The following EVL variants were observed in gnomAD, a reference collection of about 807,000 sequenced individuals.
EVL encodes the protein Enah/Vasp-like, also known as ena/VASP-like protein.
Under a neutral mutation model 59.6 loss-of-function variants are expected in EVL, and 21 were observed. That is an observed-to-expected ratio of 0.35 (90% confidence interval 0.25 to 0.51). The LOEUF (loss-of-function observed/expected upper bound fraction) is 0.51. Among genes scored for constraint, EVL ranks in the 20% least tolerant of loss-of-function variants. The pLI, the probability that EVL is intolerant of heterozygous loss-of-function variation, is 0.97. For synonymous variants in EVL, 198 were observed against 203.5 expected (o/e 0.97, Z 0.23); for missense variants, 462 against 546.6 (o/e 0.85, Z 1.54).
chr14:100,142,104 C>G (rs1441218199), intron 13 of EVL: 1 of 234,540 alleles, frequency 4.3e-6, no homozygotes, highest in African/African-American at 2.2e-5. Flanking sequence ...CGTTCCAGAG[C>G]CAGGTCTGGA....
At chr14:100,039,482 C>T (rs1270628609) in intron 1 of EVL, among the ~76,000 whole-genome samples, 1 of 152,138 alleles carries the variant, frequency 6.6e-6, no homozygotes, top group Non-Finnish European at 1.5e-5. Flanking sequence ...AGTGATCCAC[C>T]CACCTCAGCC....
chr14:100,103,645 C>T (rs1211199404), intron 3 of EVL, among the ~76,000 whole-genome samples: 18 of 152,124 alleles, frequency 1.2e-4, no homozygotes, highest in Admixed American at 1.2e-3. Flanking sequence ...GATGAGGCGC[C>T]CCTTCTATGT....
At chr14:100,074,140 T>C (rs1451013095) in intron 1 of EVL, among the ~76,000 whole-genome samples, 2 of 152,140 alleles carry the variant, frequency 1.3e-5, no homozygotes, top group African/African-American at 4.8e-5. Flanking sequence ...CCACAGTTGA[T>C]CTGGGCCATT....
At chr14:100,077,766 T>G (rs899625565) in intron 1 of EVL, among the ~76,000 whole-genome samples, 2 of 152,020 alleles carry the variant, frequency 1.3e-5, no homozygotes, top group Admixed American at 1.3e-4. Context: ...GTGCATACAG[T>G]TTTTTTGTTT....
chr14:100,129,639 G>A lies in EVL; in HGVS notation c.794G>A (p.Gly265Asp). Residue 265 changes from glycine (G) to aspartate (D), a missense_variant, in exon 7 of 14, where the codon GGC becomes GAC. Coordinates refer to ENST00000392920, the MANE Select transcript of EVL (RefSeq NM_016337.3). ...GCCAACCGGGCAAGCAGCGGGGGTGGCGGAGGAGGCCTCATGGAGGAAATG... is the reference window on the plus strand; with the variant it reads ...GCCAACCGGGCAAGCAGCGGGGGTGACGGAGGAGGCCTCATGGAGGAAATG... ...SDANRASSGG[G>D]GGGLMEEMNK... 6.2e-7 allele frequency: 1 copy of A among 1,607,370 alleles called. No individual in the cohort carries two copies. Among genetic ancestry groups the A allele is most frequent in the Non-Finnish European group, 8.5e-7 (1 of 1,176,556 alleles).
intron 1 of EVL, among the ~76,000 whole-genome samples, chr14:100,050,724 T>C (rs1309902327): frequency 6.7e-6 from 1 of 149,808 alleles, no homozygotes; most frequent in Non-Finnish European, 1.5e-5. Flanking sequence ...TAATGCTATA[T>C]TACTTGTGTA....
intron 1 of EVL, among the ~76,000 whole-genome samples, chr14:100,079,635 G>A (rs576792304): frequency 2.0e-5 from 3 of 152,282 alleles, no homozygotes; most frequent in South Asian, 2.1e-4. Context: ...ACCTCTTGTG[G>A]TTAGCCTCGT....
chr14:100,053,126 T>C (rs2061672503), intron 1 of EVL: 1 of 152,214 alleles, frequency 6.6e-6, no homozygotes, highest in South Asian at 2.1e-4. Context: ...GCCCTGTCTC[T>C]AGTTATAGTC....
At chr14:100,009,561 T>A (rs1416334686) in intron 1 of EVL, among the ~76,000 whole-genome samples, 1 of 152,232 alleles carries the variant, frequency 6.6e-6, no homozygotes, top group African/African-American at 2.4e-5. Flanking sequence ...ATCATTCCAG[T>A]TCCCTAACCT....
intron 2 of EVL, among the ~76,000 whole-genome samples, chr14:100,092,742 A>AG (rs1237567885): frequency 1.3e-5 from 2 of 151,386 alleles, no homozygotes; most frequent in Non-Finnish European, 3.0e-5. Context: ...TCTCAAAAAA[A>AG]CAAACAAACA....
intron 1 of EVL, among the ~76,000 whole-genome samples, chr14:100,037,864 A>G (rs1721847990): frequency 6.6e-6 from 1 of 152,256 alleles, no homozygotes. Flanking sequence ...TTAGGGATAC[A>G]AATGGGATAG....
chr14:100,041,206 T>G (rs183882421), intron 1 of EVL, among the ~76,000 whole-genome samples: 1 of 152,330 alleles, frequency 6.6e-6, no homozygotes, highest in Admixed American at 6.5e-5. Context: ...GAGGAAGTTA[T>G]GATTGGCAGC....
At chr14:100,100,021 A>C (rs1279344652) in intron 3 of EVL, among the ~76,000 whole-genome samples, 9 of 149,144 alleles carry the variant, frequency 6.0e-5, no homozygotes, top group East Asian at 3.9e-4. Context: ...AAAAAAAAAA[A>C]CACTTTCAGA....
Position 100,066,601 on chromosome 14 carries a change from G to A in EVL, c.11+1090G>A, listed in dbSNP as rs530189976. On this transcript the variant is annotated intron_variant, in intron 1 of 13. Transcript: ENST00000392920. ...TAGTAACTTTCCTTTAACTTTAGAGGACTCGTGAGTGGAGCTTTAGAAAAC... is the reference window on the plus strand; with the variant it reads ...TAGTAACTTTCCTTTAACTTTAGAGAACTCGTGAGTGGAGCTTTAGAAAAC... 2.6e-5 allele frequency: 4 copies of A among 152,304 alleles called. No homozygotes were observed. The South Asian group carries it at 6.2e-4, about 24-fold the overall frequency. The allele number at this position is 152,304 out of a possible 1,614,324, so 9.4% of individuals were successfully genotyped here.
chr14:100,032,255 T>G (rs1243928256), intron 1 of EVL, among the ~76,000 whole-genome samples: 1 of 152,224 alleles, frequency 6.6e-6, no homozygotes, highest in African/African-American at 2.4e-5. Context: ...TGTGTACTTT[T>G]ATTCTCCACC....
upstream of EVL, among the ~76,000 whole-genome samples, chr14:100,061,345 G>A (rs1362722616): frequency 7.0e-6 from 1 of 142,324 alleles, no homozygotes; most frequent in African/African-American, 2.6e-5. Context: ...AGCCTGGGAG[G>A]CAGAGGTTGC....
chr14:100,051,124 G>A (rs2061641290), intron 1 of EVL, among the ~76,000 whole-genome samples: 1 of 152,146 alleles, frequency 6.6e-6, no homozygotes, highest in African/African-American at 2.4e-5. Context: ...GTTACCTGAG[G>A]TCAACTTTGT....
chr14:99,986,019 C>T (rs1051273712), intron 1 of EVL, among the ~76,000 whole-genome samples: 2 of 150,712 alleles, frequency 1.3e-5, no homozygotes, highest in Non-Finnish European at 1.5e-5. Flanking sequence ...TGGCTGGGCA[C>T]GATGGCTCAT....
chr14:100,132,912 G>A (rs1888528399), intron 8 of EVL, 133 bp downstream of exon 8: 6 of 997,930 alleles, frequency 6.0e-6, no homozygotes, highest in South Asian at 5.5e-5. Context: ...TCACAGGAGG[G>A]GCGGAGGGTC....
Sources: gnomAD v4.1 joint callset for allele counts (sites outside exome capture counted in the v4.1 genomes callset) on GRCh38, gnomAD v4.1.1 for gene constraint, MANE v1.5 for transcripts, NCBI Gene and HGNC (gene_info 2026-07-23, HGNC 2026-07-21) for gene names.